Variants in CFAP92 observed in about 807,000 individuals in gnomAD.
CFAP92 encodes uncharacterized protein CFAP92.
Under a neutral mutation model 106.3 loss-of-function variants are expected in CFAP92, and 86 were observed. The observed-to-expected ratio is 0.81, with a 90% CI of 0.68 to 0.97. The LOEUF (loss-of-function observed/expected upper bound fraction) is 0.97. CFAP92 is among the 50% of genes least tolerant of loss of function. CFAP92 has a pLI of 0.00. For synonymous variants in CFAP92, 477 were observed against 506.4 expected, an observed-to-expected ratio of 0.94 and a Z score of 0.78; for missense variants, 1,204 against 1,283.8, an observed-to-expected ratio of 0.94 and a Z score of 0.95.
Position 128,945,602 on chromosome 3 carries a change from C to T in CFAP92, c.1727G>A (p.Gly576Asp). The part of the protein sequence containing the change: ...AQVSFADLLL[G>D]HKYLNLAVPI... ...GACGGCCAGATTCAAGTACTTGTGGCCAAGGAGGAGGTCAGCAAAACTGAC... is the reference window on the plus strand; with the variant it reads ...GACGGCCAGATTCAAGTACTTGTGGTCAAGGAGGAGGTCAGCAAAACTGAC... Residue 576 changes from glycine to aspartate, a missense_variant, in exon 10 of 16, where the codon GGC (glycine) becomes GAC (aspartate). Physicochemically the swap from Gly to Asp is moderately conservative, Grantham distance 94 (BLOSUM62 -1). Coordinates refer to ENST00000645291, the MANE Select transcript of CFAP92 (RefSeq NM_001394090.1). 6.5e-7 allele frequency: 1 copy of T among 1,536,092 alleles called. No individual in the cohort carries two copies. Among genetic ancestry groups the T allele is most frequent in the Admixed American group, 2.0e-5 (1 of 50,996 alleles).
intron 10 of CFAP92, among the ~76,000 whole-genome samples, chr3:128,936,542 G>A (rs1303379519): frequency 1.3e-5 from 2 of 152,078 alleles, no homozygotes; most frequent in Non-Finnish European, 2.9e-5. Flanking sequence ...ACGTAGCACT[G>A]CTCCAGGAAT....
the CFAP92 span, among the ~76,000 whole-genome samples, chr3:129,016,156 G>T: frequency 6.6e-6 from 1 of 152,192 alleles, no homozygotes; most frequent in Non-Finnish European, 1.5e-5. Context: ...TGCCTTGACC[G>T]CTCCCTTGGT....
At chr3:128,928,028 G>A (rs746165753) in intron 12 of CFAP92, among the ~76,000 whole-genome samples, 5 of 152,080 alleles carry the variant, frequency 3.3e-5, no homozygotes, top group Non-Finnish European at 7.4e-5. Context: ...CAAGGCAGGC[G>A]GATCACAAGG....
Position 128,953,600 on chromosome 3 carries a change from CCCCTCTCCCTCT to C in CFAP92, c.1354-7637_1354-7626del, listed in dbSNP as rs1257648783. Among the ~76,000 whole-genome samples, 93 of 93,658 alleles carry C rather than the reference CCCCTCTCCCTCT, an allele frequency of 9.9e-4. 3 individuals are homozygous for C. Among genetic ancestry groups the C allele is most frequent in the East Asian group, 7.8e-4 (3 of 3,846 alleles). The allele number at this position is 93,658 out of a possible 152,430, so 61.4% of individuals were successfully genotyped here. On this transcript the variant is annotated intron_variant, in intron 9 of 15. Coordinates refer to ENST00000645291, the MANE Select transcript of CFAP92 (RefSeq NM_001394090.1). ...CTCCCTCTCCCTCTCCCTCTCCCTC[CCCCTCTCCCTCT>C]CCCTCTCCCTCCCTCTCCGTCTCCC...
intron 10 of CFAP92, among the ~76,000 whole-genome samples, chr3:128,937,485 A>G (rs1423539299): frequency 1.3e-5 from 2 of 151,900 alleles, no homozygotes; most frequent in Non-Finnish European, 2.9e-5. Flanking sequence ...CTGTAGTTCC[A>G]GCTACTTGGG....
upstream of CFAP92, among the ~76,000 whole-genome samples, chr3:129,007,194 G>T (rs967805874): frequency 6.6e-6 from 1 of 152,170 alleles, no homozygotes; most frequent in South Asian, 2.1e-4. Context: ...AACATCGGCC[G>T]GACATTTTAC....
chr3:129,012,175 G>A, the CFAP92 span, among the ~76,000 whole-genome samples: 3 of 152,234 alleles, frequency 2.0e-5, no homozygotes, highest in East Asian at 1.9e-4. Flanking sequence ...ATGCTTCTTA[G>A]GAAGCTTCAG....
At chr3:128,918,475 AAAAAC>A (rs1446271996) in intron 12 of CFAP92, among the ~76,000 whole-genome samples, 35 of 152,240 alleles carry the variant, frequency 2.3e-4, no homozygotes, top group African/African-American at 7.7e-4. Context: ...TCCGTCTCAA[AAAAAC>A]AAAACAAAAG....
chr3:128,965,018 T>A (rs1942265172), intron 9 of CFAP92, among the ~76,000 whole-genome samples: 1 of 152,240 alleles, frequency 6.6e-6, no homozygotes. Flanking sequence ...CACGTATACA[T>A]CCAGATGGCC....
intron 12 of CFAP92, among the ~76,000 whole-genome samples, chr3:128,928,848 A>G (rs1938004426): frequency 1.3e-5 from 2 of 152,148 alleles, no homozygotes; most frequent in Admixed American, 1.3e-4. Flanking sequence ...TAAGAAAAAA[A>G]AGAAAAGCCA....
At chr3:129,012,406 T>A in the CFAP92 span, among the ~76,000 whole-genome samples, 1 of 152,220 alleles carries the variant, frequency 6.6e-6, no homozygotes, top group African/African-American at 2.4e-5. Context: ...TCCAGCACTC[T>A]CCATCCACCT....
At chr3:128,960,163 C>T (rs1314676038) in intron 9 of CFAP92, among the ~76,000 whole-genome samples, 2 of 152,208 alleles carry the variant, frequency 1.3e-5, no homozygotes, top group Non-Finnish European at 2.9e-5. Flanking sequence ...TCTTTTCGGA[C>T]TCAGCCCGCC....
intron 12 of CFAP92, among the ~76,000 whole-genome samples, chr3:128,917,168 C>T (rs979133657): frequency 6.6e-6 from 1 of 152,206 alleles, no homozygotes; most frequent in Non-Finnish European, 1.5e-5. Flanking sequence ...GAAGATTATA[C>T]TAGGGATGCC....
chr3:128,989,206 G>T (rs1019158336), intron 2 of CFAP92, among the ~76,000 whole-genome samples: 1 of 151,078 alleles, frequency 6.6e-6, no homozygotes, highest in Non-Finnish European at 1.5e-5. Context: ...GAGTTAAAGT[G>T]AAATCACATG....
At chr3:128,982,935 C>T (rs1374234799) in intron 4 of CFAP92, among the ~76,000 whole-genome samples, 3 of 152,098 alleles carry the variant, frequency 2.0e-5, no homozygotes, top group Non-Finnish European at 4.4e-5. Flanking sequence ...GATCACAGAT[C>T]GCAGATCACC....
chr3:128,962,889 C>A (rs1942054791), intron 9 of CFAP92, among the ~76,000 whole-genome samples: 1 of 152,162 alleles, frequency 6.6e-6, no homozygotes, highest in Non-Finnish European at 1.5e-5. Flanking sequence ...TGGTGCCAAA[C>A]CCATATACTC....
At chr3:129,000,424 A>AG (rs1944668638) in intron 1 of CFAP92, among the ~76,000 whole-genome samples, 1 of 152,140 alleles carries the variant, frequency 6.6e-6, no homozygotes, top group African/African-American at 2.4e-5. Context: ...AAACGGCAAG[A>AG]TTTTACATTT....
rs1188750518 is a variant in CFAP92, at chr3:128,975,403, GGATGGATGGA to G, written c.1021+366_1021+375del. On this transcript the variant is annotated intron_variant, in intron 7 of 15. Coordinates refer to ENST00000645291, the MANE Select transcript of CFAP92 (RefSeq NM_001394090.1). Reference sequence around the variant, plus strand: ...ATGAGAAGAAATGGAACAAATGGATGGATGGATGGAGATGGATGGATAGGGATGGATGGAT... The same window carrying G: ...ATGAGAAGAAATGGAACAAATGGATGGATGGATGGATAGGGATGGATGGAT... 3.3e-5 allele frequency among the ~76,000 whole-genome samples: 5 copies of G among 151,812 alleles called. No homozygotes were observed. The East Asian group carries it at 7.8e-4, about 24-fold the overall frequency.
At chr3:128,928,289 T>C (rs1215174424) in intron 12 of CFAP92, among the ~76,000 whole-genome samples, 2 of 152,182 alleles carry the variant, frequency 1.3e-5, no homozygotes, top group Admixed American at 1.3e-4. Flanking sequence ...ATGAAATTCC[T>C]ATAGAATTTG....
Sources: allele counts gnomAD v4.1 joint callset (sites outside exome capture counted in the v4.1 genomes callset), GRCh38; gene constraint gnomAD v4.1.1; transcripts MANE v1.5; gene names NCBI Gene and HGNC (gene_info 2026-07-23, HGNC 2026-07-21).